ESRRG: variants seen among roughly 807,000 people sequenced by gnomAD.
ESRRG encodes estrogen related receptor gamma.
Under a neutral mutation model 44.0 loss-of-function variants are expected in ESRRG, and 13 were observed. The observed-to-expected ratio is 0.30, with a 90% CI of 0.19 to 0.47. The LOEUF (loss-of-function observed/expected upper bound fraction) is 0.47, where lower values mean the gene tolerates loss of function less well. Among genes scored for constraint, ESRRG ranks in the 20% least tolerant of loss-of-function variants. The pLI is 1.00. For synonymous variants in ESRRG, 215 were observed against 214.6 expected, an observed-to-expected ratio of 1.00 and a Z score of -0.02; for missense variants, 395 against 580.6, an observed-to-expected ratio of 0.68 and a Z score of 3.29.
At chr1:216,693,148 G>A (rs896286970) in intron 1 of ESRRG, among the ~76,000 whole-genome samples, 1 of 152,076 alleles carries the variant, frequency 6.6e-6, no homozygotes, top group South Asian at 2.1e-4. Context: ...GTACAATTCG[G>A]TTATTATTTC....
In ESRRG at chr1:216,568,047, A is replaced by G; in HGVS notation, c.641T>C (p.Ile214Thr). ...CAGGTATGGGCTGTTCTCCGCATCT[A>G]TCCTGCGCTTGTACTTCTGCCGACC... ...RGGRQKYKRR[I>T]DAENSPYLNP... is the part of the protein sequence containing the mutation. The change falls in exon 4 of 7, where the codon ATA becomes ACA. Residue 214 changes from isoleucine to threonine, a missense_variant. Coordinates refer to ENST00000408911, the MANE Select transcript of ESRRG (RefSeq NM_001438.4). The G allele has an allele frequency of 6.2e-7, 1 of 1,613,926 alleles. No individual in the cohort carries two copies. Among genetic ancestry groups the G allele is most frequent in the African/African-American group, 1.3e-5 (1 of 75,020 alleles).
intron 2 of ESRRG, among the ~76,000 whole-genome samples, chr1:216,795,544 T>G (rs1196987633): frequency 6.6e-6 from 1 of 151,882 alleles, no homozygotes; most frequent in Admixed American, 6.6e-5. Flanking sequence ...TTTCACCATG[T>G]TAGCCAGGCT....
At chr1:216,638,940 A>G (rs889772142) in intron 3 of ESRRG, among the ~76,000 whole-genome samples, 4 of 152,224 alleles carry the variant, frequency 2.6e-5, no homozygotes, top group Admixed American at 2.6e-4. Flanking sequence ...AGATCAAACC[A>G]TAAGGCATGA....
chr1:216,580,082 G>T (rs576705232), intron 3 of ESRRG, among the ~76,000 whole-genome samples: 11 of 152,078 alleles, frequency 7.2e-5, no homozygotes, highest in Non-Finnish European at 1.5e-4. Context: ...AAATGATTTT[G>T]GTGTATGTTG....
intron 3 of ESRRG, among the ~76,000 whole-genome samples, chr1:216,572,538 C>T (rs553256646): frequency 6.6e-6 from 1 of 151,898 alleles, no homozygotes; most frequent in South Asian, 2.1e-4. Flanking sequence ...ATATTTTCAA[C>T]ATAATTCTAT....
At chr1:217,129,143 CAA>C (rs201521359) in intron 1 of ESRRG, among the ~76,000 whole-genome samples, 1 of 152,126 alleles carries the variant, frequency 6.6e-6, no homozygotes, top group East Asian at 1.9e-4. Context: ...AACTCAACAA[CAA>C]AGAGACAAAA....
chr1:216,659,113 AT>A (rs2071569386), intron 2 of ESRRG, among the ~76,000 whole-genome samples: 1 of 152,180 alleles, frequency 6.6e-6, no homozygotes. Flanking sequence ...GATCATATAC[AT>A]ACAGTTTTGG....
chr1:217,010,947 C>T (rs2078490070), intron 1 of ESRRG, among the ~76,000 whole-genome samples: 1 of 152,102 alleles, frequency 6.6e-6, no homozygotes. Flanking sequence ...TCTTAAAATG[C>T]CTTTCATCTC....
At chr1:217,020,190 T>C (rs891424708) in intron 1 of ESRRG, among the ~76,000 whole-genome samples, 2 of 152,170 alleles carry the variant, frequency 1.3e-5, no homozygotes, top group Admixed American at 6.5e-5. Context: ...AAAACAGCAC[T>C]TCAGTGACAA....
chr1:217,124,007 T>A (rs942101960), intron 1 of ESRRG, among the ~76,000 whole-genome samples: 9 of 152,202 alleles, frequency 5.9e-5, no homozygotes, highest in Non-Finnish European at 8.8e-5. Flanking sequence ...CATGAGCAGA[T>A]GAAACACCTT....
rs548317536 is a variant in ESRRG, at chr1:216,907,940, CTCT to C, written c.-14+31639_-14+31641del. Among the ~76,000 whole-genome samples, 1,429 of 152,200 alleles carry C rather than the reference CTCT, an allele frequency of 9.4e-3. 9 individuals carry two copies. Among genetic ancestry groups the C allele is most frequent in the Non-Finnish European group, 0.014 (982 of 68,022 alleles). ...ATATTCCACAGGGAGAAGCCAAAAC[CTCT>C]TTTTTATGTCTATTTTTATTAAGAT... is the stretch of plus-strand genomic sequence containing the variant. On this transcript the variant is annotated intron_variant, in intron 2 of 7. Coordinates refer to the ESRRG transcript ENST00000359162.
chr1:217,120,643 T>C (rs947102497), intron 1 of ESRRG, among the ~76,000 whole-genome samples: 22 of 152,244 alleles, frequency 1.4e-4, no homozygotes, highest in African/African-American at 4.6e-4. Flanking sequence ...TTGAACTAGG[T>C]TTTTATTCAA....
intron 2 of ESRRG, among the ~76,000 whole-genome samples, chr1:216,794,334 C>T (rs967873037): frequency 6.6e-6 from 1 of 152,138 alleles, no homozygotes; most frequent in Non-Finnish European, 1.5e-5. Context: ...GTAACTTAAA[C>T]CGCTTGGGGG....
chr1:217,011,072 A>G (rs1384524310), intron 1 of ESRRG, among the ~76,000 whole-genome samples: 1 of 152,194 alleles, frequency 6.6e-6, no homozygotes, highest in African/African-American at 2.4e-5. Context: ...TTACCACCAA[A>G]CGCCATCAAC....
chr1:216,895,484 G>C (rs1476210692), intron 2 of ESRRG, among the ~76,000 whole-genome samples: 1 of 152,168 alleles, frequency 6.6e-6, no homozygotes, highest in Non-Finnish European at 1.5e-5. Context: ...AGTTTAAATA[G>C]AGTCTCTCTT....
chr1:217,098,372 T>G (rs920907105), intron 1 of ESRRG, among the ~76,000 whole-genome samples: 1 of 152,172 alleles, frequency 6.6e-6, no homozygotes, highest in Non-Finnish European at 1.5e-5. Context: ...TATTTACTCT[T>G]TACAACAAGC....
intron 1 of ESRRG, among the ~76,000 whole-genome samples, chr1:217,060,948 C>A (rs909974877): frequency 6.6e-6 from 1 of 151,468 alleles, no homozygotes. Flanking sequence ...ACTTTATATC[C>A]ATTATTCTAT....
At chr1:216,926,236 C>G (rs1026297569) in intron 2 of ESRRG, among the ~76,000 whole-genome samples, 2 of 152,154 alleles carry the variant, frequency 1.3e-5, no homozygotes, top group African/African-American at 4.8e-5. Flanking sequence ...AACACCAGAT[C>G]AGATGAATTT....
At chr1:216,784,083 C>A (rs563826383) in intron 2 of ESRRG, among the ~76,000 whole-genome samples, 68 of 152,124 alleles carry the variant, frequency 4.5e-4, no homozygotes, top group African/African-American at 1.4e-3. Flanking sequence ...TTAAACAAGG[C>A]CATTAAAAAC....
Sources: gnomAD v4.1 joint callset for allele counts (sites outside exome capture counted in the v4.1 genomes callset) on GRCh38, gnomAD v4.1.1 for gene constraint, MANE v1.5 for transcripts, NCBI Gene and HGNC (gene_info 2026-07-23, HGNC 2026-07-21) for gene names.